MACROD2: variants seen among roughly 807,000 people sequenced by gnomAD.
The protein encoded by MACROD2 is mono-ADP ribosylhydrolase 2.
A neutral mutation model predicts 70.4 loss-of-function variants in MACROD2; 36 were observed. That is an observed-to-expected ratio of 0.51 (90% CI 0.39 to 0.68). MACROD2 has a LOEUF of 0.68. Ranked by LOEUF, MACROD2 falls within the 30% of genes least tolerant of loss-of-function variation. The pLI, the probability that MACROD2 is intolerant of heterozygous loss-of-function variation, is 0.00. For missense variants in MACROD2, 496 were observed against 538.4 expected (o/e 0.92, Z 0.78); for synonymous variants, 172 against 178.8 (o/e 0.96, Z 0.30).
intron 8 of MACROD2, among the ~76,000 whole-genome samples, chr20:15,803,068 AT>A (rs1362843659): frequency 6.6e-6 from 1 of 152,140 alleles, no homozygotes; most frequent in African/African-American, 2.4e-5. Flanking sequence ...TTATTGCTGA[AT>A]TCTACCAAAG....
chr20:15,811,975 T>C (rs1403496068), intron 8 of MACROD2, among the ~76,000 whole-genome samples: 2 of 152,176 alleles, frequency 1.3e-5, no homozygotes, highest in Non-Finnish European at 2.9e-5. Flanking sequence ...TGCTGAGACC[T>C]GAGGACAGGT....
intron 15 of MACROD2, among the ~76,000 whole-genome samples, chr20:16,003,109 CACACACACACACAA>C (rs1568700630): frequency 3.6e-5 from 5 of 138,050 alleles, no homozygotes; most frequent in African/African-American, 1.0e-4. Context: ...CACACACACA[CACACACACACACAA>C]ACAATCTCTA....
At chr20:14,306,739 G>A (rs1391560078) in intron 3 of MACROD2, among the ~76,000 whole-genome samples, 1 of 151,986 alleles carries the variant, frequency 6.6e-6, no homozygotes, top group East Asian at 1.9e-4. Flanking sequence ...GAGGCTGAGA[G>A]CAAACAAGAT....
At position 14,702,659 on chromosome 20, in the gene MACROD2, ATG is replaced by A. The variant is rs1278696238; in HGVS notation, c.418+17704_418+17705del. ...TATGTATATATATATACACATATAT[ATG>A]TGTATATATATATACACATATATGT... is the stretch of plus-strand genomic sequence containing the variant. On this transcript the variant is annotated intron_variant, in intron 5 of 17. Coordinates refer to ENST00000684519, the MANE Select transcript of MACROD2 (RefSeq NM_001351661.2). Among the ~76,000 whole-genome samples the A allele has an allele frequency of 2.1e-3, 160 of 74,502 alleles. 6 individuals carry two copies. Among genetic ancestry groups the A allele is most frequent in the Non-Finnish European group, 3.3e-3 (123 of 37,708 alleles). The allele number at this position is 74,502 out of a possible 152,430, so 48.9% of individuals were successfully genotyped here. A position where few individuals can be genotyped will look rare whatever the true frequency, so the allele number is the denominator to read the frequency against.
Position 14,237,198 on chromosome 20 carries a change from CTTT to C in MACROD2, c.271+151473_271+151475del, listed in dbSNP as rs1279999631. On this transcript the variant is annotated intron_variant, in intron 3 of 17. Coordinates refer to ENST00000684519, the MANE Select transcript of MACROD2 (RefSeq NM_001351661.2). ...TCTCTCTGATAGCTTTAAATATTTTCTTTTTGTCTTTGTTGTTATGGAATTTCA... is the reference window on the plus strand; with the variant it reads ...TCTCTCTGATAGCTTTAAATATTTTCTTGTCTTTGTTGTTATGGAATTTCA... 2.0e-5 allele frequency among the ~76,000 whole-genome samples: 3 copies of C among 151,798 alleles called. No homozygotes were observed. The East Asian group carries it at 5.8e-4, about 29-fold the overall frequency.
intron 12 of MACROD2, 49 bp downstream of exon 12, chr20:15,937,593 CTGTT>C (rs2065684993): frequency 6.5e-7 from 1 of 1,539,258 alleles, no homozygotes; most frequent in Non-Finnish European, 9.0e-7. Context: ...TTAAAAGAGA[CTGTT>C]TGGGCTTGTT....
intron 3 of MACROD2, chr20:14,324,672 GT>G: frequency 6.6e-6 from 1 of 152,134 alleles, no homozygotes; most frequent in South Asian, 2.1e-4. Context: ...ACAATTTTGT[GT>G]TTATAATTCA....
At chr20:15,349,789 G>A (rs2078207735) in intron 6 of MACROD2, among the ~76,000 whole-genome samples, 2 of 149,908 alleles carry the variant, frequency 1.3e-5, no homozygotes, top group African/African-American at 2.5e-5. Flanking sequence ...AAAAATTATG[G>A]TGAAATAATG....
chr20:15,523,939 C>T (rs991366582), intron 8 of MACROD2, among the ~76,000 whole-genome samples: 1 of 152,038 alleles, frequency 6.6e-6, no homozygotes, highest in Non-Finnish European at 1.5e-5. Context: ...TCTAGGTGTT[C>T]TCTTGTCTTT....
chr20:15,142,418 A>G (rs1356872226), intron 5 of MACROD2, among the ~76,000 whole-genome samples: 2 of 152,154 alleles, frequency 1.3e-5, no homozygotes, highest in African/African-American at 2.4e-5. Flanking sequence ...ATATTTGTTC[A>G]TATATATACA....
At chr20:14,568,387 T>C (rs779912413) in intron 4 of MACROD2, among the ~76,000 whole-genome samples, 4 of 151,990 alleles carry the variant, frequency 2.6e-5, no homozygotes, top group Non-Finnish European at 4.4e-5. Flanking sequence ...TTTAGAGGGA[T>C]TTAGACAAAG....
chr20:14,664,061 T>C lies in MACROD2; in HGVS notation c.302-20782T>C, dbSNP rs570394937. 1.2e-4 allele frequency among the ~76,000 whole-genome samples: 18 copies of C among 152,262 alleles called. 1 individual carries two copies. Among genetic ancestry groups the C allele is most frequent in the African/African-American group, 3.4e-4 (14 of 41,568 alleles). On this transcript the variant is annotated intron_variant, in intron 4 of 17. Coordinates refer to ENST00000684519, the MANE Select transcript of MACROD2 (RefSeq NM_001351661.2). ...ATCGCATACAGTATTGTCTCTTTTTTTCACTGTTGAACAACATATTTTTAA... is the reference window on the plus strand; with the variant it reads ...ATCGCATACAGTATTGTCTCTTTTTCTCACTGTTGAACAACATATTTTTAA...
chr20:15,340,029 G>A (rs142785579), intron 6 of MACROD2, among the ~76,000 whole-genome samples: 1 of 151,636 alleles, frequency 6.6e-6, no homozygotes, highest in East Asian at 1.9e-4. Flanking sequence ...AGGTAGGATT[G>A]AGGGTTAGGT....
At chr20:14,398,754 G>T (rs183849193) in intron 3 of MACROD2, among the ~76,000 whole-genome samples, 1 of 152,102 alleles carries the variant, frequency 6.6e-6, no homozygotes, top group Admixed American at 6.5e-5. Context: ...GTTGTTAATA[G>T]TCAATTATCT....
At chr20:15,822,840 A>G (rs1327775974) in intron 8 of MACROD2, among the ~76,000 whole-genome samples, 1 of 152,200 alleles carries the variant, frequency 6.6e-6, no homozygotes, top group East Asian at 1.9e-4. Flanking sequence ...TACAGCAGAT[A>G]AGGGAGGAAG....
At chr20:15,461,006 A>ATATATATATATATATATATATATTTTT in intron 7 of MACROD2, among the ~76,000 whole-genome samples, 7 of 67,012 alleles carry the variant, frequency 1.0e-4, no homozygotes, top group East Asian at 6.1e-4. Flanking sequence ...ATATATATAT[A>ATATATATATATATATATATATATTTTT]TTTTTTTTTA....
intron 15 of MACROD2, among the ~76,000 whole-genome samples, chr20:16,034,638 A>G (rs1367276070): frequency 6.6e-6 from 1 of 151,884 alleles, no homozygotes; most frequent in Non-Finnish European, 1.5e-5. Context: ...TTGGTATTAT[A>G]TTCAGTTTTA....
At chr20:15,787,161 G>T (rs748680242) in intron 8 of MACROD2, among the ~76,000 whole-genome samples, 1 of 151,918 alleles carries the variant, frequency 6.6e-6, no homozygotes, top group Non-Finnish European at 1.5e-5. Context: ...TAATAGAGAC[G>T]GGATTTCACC....
intron 4 of MACROD2, among the ~76,000 whole-genome samples, chr20:14,499,221 A>C (rs1440985810): frequency 6.6e-6 from 1 of 152,162 alleles, no homozygotes; most frequent in Non-Finnish European, 1.5e-5. Flanking sequence ...TAGGCCACAG[A>C]AAATAGGGTT....
Sources: gnomAD v4.1 joint callset for allele counts (sites outside exome capture counted in the v4.1 genomes callset) on GRCh38, gnomAD v4.1.1 for gene constraint, MANE v1.5 for transcripts, NCBI Gene and HGNC (gene_info 2026-07-23, HGNC 2026-07-21) for gene names.